The following TLN1 variants were observed in gnomAD, a reference collection of about 807,000 sequenced individuals.
TLN1 encodes the protein talin 1.
A neutral mutation model predicts 292.3 loss-of-function variants in TLN1; 56 were observed. The ratio of observed to expected loss-of-function variants is 0.19; its 90% CI spans 0.15 to 0.24. TLN1 has a LOEUF of 0.24. Ranked by LOEUF, TLN1 falls within the 10% of genes least tolerant of loss-of-function variation. The pLI is 1.00. For synonymous variants in TLN1, 1,119 were observed against 1,253.7 expected (o/e 0.89, Z 2.27); for missense variants, 2,433 against 3,248.2 (o/e 0.75, Z 6.10).
chr9:35,725,209 T>C lies in TLN1; in HGVS notation c.228+15A>G. 1.2e-6 allele frequency: 2 copies of C among 1,613,730 alleles called. No individual in the cohort carries two copies. The highest frequency in any genetic ancestry group is 1.7e-6 in the Non-Finnish European group (2 of 1,179,656). ...TGGAAGGGGATGTGGTGGTCCTTGA[T>C]GAAAGGATACTTACCCCATTTCGGA... On this transcript the variant is annotated intron_variant, in intron 3 of 56. Coordinates refer to ENST00000314888, the MANE Select transcript of TLN1 (RefSeq NM_006289.4).
In TLN1 at chr9:35,721,019, G is replaced by A. The variant is rs1414150381; in HGVS notation, c.1105-106C>T. The A allele has an allele frequency of 1.7e-5, 13 of 766,804 alleles. 1 individual carries two copies. The East Asian group carries it at 3.4e-4, about 20-fold the overall frequency. The allele number at this position is 766,804 out of a possible 1,614,324, so 47.5% of individuals were successfully genotyped here. A position where few individuals can be genotyped will look rare whatever the true frequency, so the allele number is the denominator to read the frequency against. On this transcript the variant is annotated intron_variant, in intron 10 of 56. Coordinates refer to ENST00000314888, the MANE Select transcript of TLN1 (RefSeq NM_006289.4). ...TGAGCTGATGAGATGCCTTCCCGTG[G>A]CAACGGCCCTCTTGGAAGATGCCCA...
intron 20 of TLN1, 41 bp downstream of exon 20, chr9:35,716,349 T>C: frequency 6.2e-7 from 1 of 1,610,374 alleles, no homozygotes; most frequent in African/African-American, 1.3e-5. Flanking sequence ...TCTACTTCCC[T>C]CTAGGGTCCA....
In TLN1 at chr9:35,714,605, G is replaced by A. The variant is rs760008336; in HGVS notation, c.2954C>T (p.Ala985Val). The A allele has an allele frequency of 4.6e-5, 74 of 1,612,558 alleles. No individual in the cohort carries two copies. In the East Asian group the frequency reaches 1.6e-3, roughly 34 times the overall value. The change falls in exon 23 of 57, where the codon GCC becomes GTC. Residue 985 changes from alanine (A) to valine (V), a missense_variant. This residue lies in a region of TLN1 where 617 missense variants were observed against 770.6 expected (regional missense o/e 0.80). Transcript: ENST00000314888. The surrounding 1 kb of genome is among the most constrained non-coding windows in gnomAD (Gnocchi z 4.6). ...GAAGCTCTGGCTGGCAGCAATGAGGGCAAGCTGAGCGCTGGGGCTGTCAGG... is the reference window on the plus strand; with the variant it reads ...GAAGCTCTGGCTGGCAGCAATGAGGACAAGCTGAGCGCTGGGGCTGTCAGG... ...AQPDSPSAQLALIAASQSFLQ... is the reference protein window; with the variant it reads ...AQPDSPSAQLVLIAASQSFLQ...
rs111838083 is a variant in TLN1 at position 35,715,739 on chromosome 9, TAGGCCTTGGACTTA to T, written c.2626-566_2626-553del. Among the ~76,000 whole-genome samples the T allele has an allele frequency of 2.9e-3, 445 of 152,276 alleles. 2 individuals carry two copies. The highest frequency in any genetic ancestry group is 0.01 in the African/African-American group (417 of 41,552). On this transcript the variant is annotated intron_variant, in intron 20 of 56. Coordinates refer to ENST00000314888, the MANE Select transcript of TLN1 (RefSeq NM_006289.4). ...AGGGTAGCAGCAAAGAAGGTAAAAA[TAGGCCTTGGACTTA>T]AGACCTTGGACTTAAAGAAAAAGGA...
intron 1 of TLN1, among the ~76,000 whole-genome samples, chr9:35,726,584 C>G (rs1406571330): frequency 6.6e-6 from 1 of 152,214 alleles, no homozygotes; most frequent in African/African-American, 2.4e-5. Context: ...AGCCTGCAAA[C>G]AAACTCTAGC....
rs1338515153 is a variant in TLN1 at position 35,700,086 on chromosome 9, C to G, written c.6661-5G>C. On this transcript the variant is annotated splice_region_variant and splice_polypyrimidine_tract_variant and intron_variant, in intron 49 of 56. Transcript: ENST00000314888. Reference sequence around the variant, plus strand: ...TTCTGGGTGGTAAGCTGCTTCCTGTCCCCAGAGTAATATGTTAGCTTTAGG... The same window carrying G: ...TTCTGGGTGGTAAGCTGCTTCCTGTGCCCAGAGTAATATGTTAGCTTTAGG... The G allele has an allele frequency of 6.2e-7, 1 of 1,608,622 alleles. No homozygotes were observed. The highest frequency in any genetic ancestry group is 1.7e-5 in the Admixed American group (1 of 59,742).
rs377416242 is a variant in TLN1, at chr9:35,711,007, G to A, written c.4095C>T (p.Asn1365=). Residue 1365 remains asparagine, a synonymous_variant, in exon 31 of 57, where the codon AAC becomes AAT. Coordinates refer to ENST00000314888, the MANE Select transcript of TLN1 (RefSeq NM_006289.4). The part of the protein sequence containing the change: ...QQAPGQKECD[N]ALRELETVRE... ...TGTCTACCTCCAATTCCCGCAGGGCGTTATCACACTCCTTCTGGCCGGGTG... is the reference window on the plus strand; with the variant it reads ...TGTCTACCTCCAATTCCCGCAGGGCATTATCACACTCCTTCTGGCCGGGTG... The A allele has an allele frequency of 1.2e-5, 20 of 1,614,074 alleles. No individual in the cohort carries two copies. In the East Asian group the frequency reaches 1.8e-4, roughly 14 times the overall value.
Position 35,704,130 on chromosome 9 carries a change from T to G in TLN1, c.6092A>C (p.Lys2031Thr). The G allele has an allele frequency of 1.2e-6, 2 of 1,612,270 alleles. No homozygotes were observed. Among genetic ancestry groups the G allele is most frequent in the Non-Finnish European group, 1.7e-6 (2 of 1,179,066 alleles). The change falls in exon 46 of 57, where the codon AAG (lysine) becomes ACG (threonine). Residue 2031 changes from lysine to threonine, a missense_variant. Lys to Thr is a moderately conservative substitution (Grantham distance 78). Around this residue, in one of 7 missense-constraint regions of TLN1, gnomAD observed 1,384 missense variants for 1,699.6 expected, o/e 0.81. Transcript: ENST00000314888. This position sits in a 1 kb window ranked among gnomAD's most constrained non-coding sequence, Gnocchi z 6.9. ...CCCAGCTGCGTTTTGCACCAGGACC[T>G]TGGTGTCCTCCACCAGCACCTTCGC... is the stretch of plus-strand genomic sequence containing the variant. The part of the protein sequence containing the change: ...KTAKVLVEDT[K>T]VLVQNAAGSQ...
chr9:35,716,544 C>T lies in TLN1; in HGVS notation c.2471G>A (p.Arg824Gln), dbSNP rs776552609. The T allele has an allele frequency of 2.5e-6, 4 of 1,613,814 alleles. No homozygotes were observed. The highest frequency in any genetic ancestry group is 2.2e-5 in the East Asian group (1 of 44,898). Residue 824 changes from arginine to glutamine, a missense_variant, in exon 20 of 57, where the codon CGA (arginine) becomes CAA (glutamine). Arg to Gln is a conservative substitution (Grantham distance 43, BLOSUM62 1). This residue lies in a region of TLN1 where 617 missense variants were observed against 770.6 expected (regional missense o/e 0.80). Coordinates refer to ENST00000314888, the MANE Select transcript of TLN1 (RefSeq NM_006289.4). ...SSMGDAGEMV[R>Q]QARILAQATS... is the part of the protein sequence containing the mutation. The stretch of plus-strand genomic sequence containing the variant: ...GGCTTGGGCCAGGATGCGGGCCTGT[C>T]GCACCATCTCCCCTGAGAGCATAGG...
intron 3 of TLN1, 95 bp from the exon 4 acceptor site, chr9:35,725,054 AG>A (rs1296346853): frequency 2.4e-5 from 38 of 1,589,176 alleles, no homozygotes; most frequent in Non-Finnish European, 2.5e-5. Flanking sequence ...GAGCACTGAA[AG>A]GAAGACTATG....
chr9:35,721,902 G>A (rs754024061), intron 9 of TLN1, 99 bp from the exon 10 acceptor site: 507 of 1,492,336 alleles, frequency 3.4e-4, no homozygotes, highest in Non-Finnish European at 1.5e-4. Context: ...TGAGGTGGCC[G>A]GGAGGGCTAA....
chr9:35,714,227 C>T lies in TLN1; in HGVS notation c.3120+12G>A. On this transcript the variant is annotated intron_variant, in intron 24 of 56. Coordinates refer to ENST00000314888, the MANE Select transcript of TLN1 (RefSeq NM_006289.4). This position sits in a 1 kb window ranked among gnomAD's most constrained non-coding sequence, Gnocchi z 4.6. ...CAGCCTCATCTTCCAAAGCCAGAAC[C>T]AGCTTCCATACCTTCTGGGCAGCCG... 1 of 1,601,976 alleles carries T rather than the reference C, an allele frequency of 6.2e-7. No homozygotes were observed. The highest frequency in any genetic ancestry group is 8.5e-7 in the Non-Finnish European group (1 of 1,171,408).
At chr9:35,702,919 A>G (rs1387932976) in intron 48 of TLN1, among the ~76,000 whole-genome samples, 2 of 152,354 alleles carry the variant, frequency 1.3e-5, no homozygotes, top group East Asian at 3.9e-4. Flanking sequence ...AACTAAGAAG[A>G]GGCCACTAGT....
rs1366256536 is a variant in TLN1, at chr9:35,712,132, G to A, written c.3562-8C>T. 4.3e-6 allele frequency: 7 copies of A among 1,611,186 alleles called. No homozygotes were observed. The highest frequency in any genetic ancestry group is 1.7e-4 in the Middle Eastern group (1 of 6,050). ...GGTCACTGCTTTAGCCACCTGGGGT[G>A]AGAAAGGAGACAGGGTTGCCCAAGT... On this transcript the variant is annotated splice_region_variant and splice_polypyrimidine_tract_variant and intron_variant, in intron 27 of 56. Coordinates refer to ENST00000314888, the MANE Select transcript of TLN1 (RefSeq NM_006289.4).
intron 48 of TLN1, 125 bp downstream of exon 48, chr9:35,703,435 T>C: frequency 1.1e-6 from 1 of 918,360 alleles, no homozygotes; most frequent in Non-Finnish European, 1.7e-6. Flanking sequence ...AAAAAAAGTC[T>C]GGCGATAGAT....
chr9:35,715,917 G>T (rs1201243078), intron 20 of TLN1, among the ~76,000 whole-genome samples: 1 of 152,134 alleles, frequency 6.6e-6, no homozygotes, highest in Non-Finnish European at 1.5e-5. Flanking sequence ...AAATAGCTAG[G>T]GGGAGGATAC....
chr9:35,723,502 G>C (rs1005732319), intron 7 of TLN1: 8 of 209,244 alleles, frequency 3.8e-5, no homozygotes, highest in Admixed American at 2.2e-4. Flanking sequence ...TGGGTCTAGA[G>C]CACCATTTCA....
Position 35,710,626 on chromosome 9 carries a change from C to G in TLN1, c.4261G>C (p.Glu1421Gln). 1 of 1,614,240 alleles carries G rather than the reference C, an allele frequency of 6.2e-7. No homozygotes were observed. The highest frequency in any genetic ancestry group is 8.5e-7 in the Non-Finnish European group (1 of 1,180,038). Residue 1421 changes from glutamate (E) to glutamine (Q), a missense_variant, in exon 33 of 57, where the codon GAG becomes CAG. Transcript: ENST00000314888. ...SQNAKNGNLP[E>Q]FGDAISTASK... is the part of the protein sequence containing the mutation. ...GCTGTGGAAATGGCATCTCCAAACTCTGGCAGGTTTCCGTTCTTGGCATTT... is the reference window on the plus strand; with the variant it reads ...GCTGTGGAAATGGCATCTCCAAACTGTGGCAGGTTTCCGTTCTTGGCATTT...
Position 35,711,685 on chromosome 9 carries a change from G to C in TLN1, c.3789C>G (p.Thr1263=), listed in dbSNP as rs767238790. The C allele has an allele frequency of 1.2e-6, 2 of 1,614,184 alleles. No individual in the cohort carries two copies. The highest frequency in any genetic ancestry group is 4.5e-5 in the East Asian group (2 of 44,878). ...ATELVQASRG[T]PQDLARASGR... Reference sequence around the variant, plus strand: ...CTGAGGCTCGAGCCAGGTCCTGAGGGGTTCCCCGAGAGGCCTGCACCAGTT... The same window carrying C: ...CTGAGGCTCGAGCCAGGTCCTGAGGCGTTCCCCGAGAGGCCTGCACCAGTT... Residue 1263 remains threonine (T), a synonymous_variant, in exon 29 of 57, where the codon ACC becomes ACG. Transcript: ENST00000314888.
Sources: allele counts gnomAD v4.1 joint callset (sites outside exome capture counted in the v4.1 genomes callset), GRCh38; gene constraint gnomAD v4.1.1; regional missense constraint gnomAD v4.1.1; non-coding constraint Gnocchi (gnomAD v3.1); transcripts MANE v1.5; gene names NCBI Gene and HGNC (gene_info 2026-07-23, HGNC 2026-07-21).